The following ZNF148 variants were observed in gnomAD, a reference collection of about 807,000 sequenced individuals.
ZNF148 encodes Beta-Enolase Repressor Factor-1.
Under a neutral mutation model 67.7 loss-of-function variants are expected in ZNF148, and 7 were observed. That is an observed-to-expected ratio of 0.10 (90% confidence interval 0.06 to 0.19). The LOEUF (loss-of-function observed/expected upper bound fraction) is 0.19. ZNF148 is among the 10% of genes least tolerant of loss of function. ZNF148 has a pLI of 1.00. For missense variants in ZNF148, 583 were observed against 947.1 expected, an observed-to-expected ratio of 0.62 and a Z score of 5.05; for synonymous variants, 333 against 330.7, an observed-to-expected ratio of 1.01 and a Z score of -0.08.
intron 4 of ZNF148, among the ~76,000 whole-genome samples, chr3:125,302,447 C>A (rs1939644851): frequency 6.6e-6 from 1 of 152,004 alleles, no homozygotes; most frequent in African/African-American, 2.4e-5. Context: ...CCCTTTACCT[C>A]CCTGCCTTAT....
In ZNF148 at chr3:125,240,765, C is replaced by CA. The variant is rs200238945; in HGVS notation, c.668-6437dup. Among the ~76,000 whole-genome samples the CA allele has an allele frequency of 9.5e-3, 795 of 83,656 alleles. 2 individuals carry two copies. The highest frequency in any genetic ancestry group is 0.015 in the African/African-American group (332 of 22,228). The allele number at this position is 83,656 out of a possible 152,430, so 54.9% of individuals were successfully genotyped here. On this transcript the variant is annotated intron_variant, in intron 7 of 8. Transcript: ENST00000360647. ...GGTGACAAGTGCAAGATCCTGTCTG[C>CA]AAAAAAAAAAAAAAACCAAAAACCA...
In ZNF148 at chr3:125,279,255, A is replaced by AAAAG; in HGVS notation, c.460-9_460-8insCTTT. ...CTCATTTATTGTAAGGATCTAGTTC[A>AAAAG]AAAAAAAAAAGGCAAAAACAAAAGA... On this transcript the variant is annotated splice_polypyrimidine_tract_variant and intron_variant, in intron 5 of 8. Transcript: ENST00000360647. 9.3e-7 allele frequency: 1 copy of AAAAG among 1,069,752 alleles called. No homozygotes were observed. Among genetic ancestry groups the AAAAG allele is most frequent in the Non-Finnish European group, 1.2e-6 (1 of 843,598 alleles). The allele number at this position is 1,069,752 out of a possible 1,614,324, so 66.3% of individuals were successfully genotyped here.
intron 1 of ZNF148, among the ~76,000 whole-genome samples, chr3:125,370,981 A>AC (rs1489500274): frequency 3.3e-5 from 5 of 151,886 alleles, no homozygotes; most frequent in African/African-American, 1.2e-4. Context: ...TCCTCTTACC[A>AC]CATTTCCCAT....
intron 1 of ZNF148, among the ~76,000 whole-genome samples, chr3:125,332,354 T>C (rs944241855): frequency 6.6e-6 from 1 of 152,170 alleles, no homozygotes; most frequent in Non-Finnish European, 1.5e-5. Flanking sequence ...TTATGCAAAG[T>C]TATTTTAAGT....
chr3:125,364,830 T>C (rs776739546), intron 1 of ZNF148, among the ~76,000 whole-genome samples: 35 of 152,208 alleles, frequency 2.3e-4, no homozygotes, highest in Non-Finnish European at 4.1e-4. Flanking sequence ...AAATCCAAGT[T>C]AGCCTGAATT....
chr3:125,248,208 T>C (rs1392082157), intron 7 of ZNF148, among the ~76,000 whole-genome samples: 2 of 152,224 alleles, frequency 1.3e-5, no homozygotes, highest in African/African-American at 2.4e-5. Context: ...ACAAATGAGT[T>C]AGAATCCCAA....
intron 7 of ZNF148, among the ~76,000 whole-genome samples, chr3:125,235,839 C>T (rs1457003576): frequency 1.3e-5 from 2 of 150,860 alleles, no homozygotes; most frequent in Non-Finnish European, 2.9e-5. Context: ...TCTCAGCAAA[C>T]TATCACAAGG....
rs564641258 is a variant in ZNF148 at position 125,373,984 on chromosome 3, A to C, written c.-234+1118T>G. 5.9e-5 allele frequency among the ~76,000 whole-genome samples: 9 copies of C among 152,350 alleles called. No individual in the cohort carries two copies. In the East Asian group the frequency reaches 1.7e-3, roughly 29 times the overall value. On this transcript the variant is annotated intron_variant, in intron 1 of 8. Coordinates refer to ENST00000360647, the MANE Select transcript of ZNF148 (RefSeq NM_021964.3). The stretch of plus-strand genomic sequence containing the variant: ...GGCAGTGAAGAAAACCACCAAGTCA[A>C]TTAATTTCCATTCCAGCGTTTGCCA...
At chr3:125,280,676 T>C (rs1370223260) in intron 5 of ZNF148, among the ~76,000 whole-genome samples, 37 of 56,026 alleles carry the variant, frequency 6.6e-4, no homozygotes, top group South Asian at 1.5e-3. Flanking sequence ...GTAAAACCCA[T>C]CTCAAAAAAA....
chr3:125,345,007 C>T (rs1316128815), intron 1 of ZNF148, among the ~76,000 whole-genome samples: 1 of 152,056 alleles, frequency 6.6e-6, no homozygotes, highest in Non-Finnish European at 1.5e-5. Flanking sequence ...AATGGAAAGA[C>T]ATGACAATAA....
chr3:125,234,157 ATAAT>A, intron 8 of ZNF148, 50 bp downstream of exon 8: 1 of 1,294,754 alleles, frequency 7.7e-7, no homozygotes, highest in South Asian at 1.4e-5. Context: ...AATCTAATTT[ATAAT>A]TATTGTATAA....
chr3:125,243,154 C>G (rs1412835431), intron 7 of ZNF148, among the ~76,000 whole-genome samples: 1 of 152,162 alleles, frequency 6.6e-6, no homozygotes, highest in Admixed American at 6.5e-5. Flanking sequence ...TTTCACAAAC[C>G]TTTGTATCCT....
chr3:125,331,429 G>A (rs918204223), intron 1 of ZNF148, among the ~76,000 whole-genome samples, 191 bp from the exon 2 acceptor site: 1 of 152,186 alleles, frequency 6.6e-6, no homozygotes, highest in African/African-American at 2.4e-5. Context: ...GCCATCAAAT[G>A]CTAAATGATA....
intron 1 of ZNF148, among the ~76,000 whole-genome samples, chr3:125,335,804 T>G (rs1941466685): frequency 6.6e-6 from 1 of 152,240 alleles, no homozygotes; most frequent in African/African-American, 2.4e-5. Flanking sequence ...ATACAGTATT[T>G]TCAAAGTATA....
At chr3:125,369,460 C>T (rs1304526918) in intron 1 of ZNF148, among the ~76,000 whole-genome samples, 2 of 146,934 alleles carry the variant, frequency 1.4e-5, no homozygotes, top group Non-Finnish European at 3.0e-5. Flanking sequence ...CCATGTTTCG[C>T]TCACCTTTAT....
chr3:125,283,072 C>G (rs906048437), intron 5 of ZNF148, among the ~76,000 whole-genome samples: 6 of 152,118 alleles, frequency 3.9e-5, no homozygotes, highest in African/African-American at 1.2e-4. Flanking sequence ...ATGAGACGTT[C>G]TACTGCAACT....
chr3:125,230,180 T>C lies in ZNF148; in HGVS notation c.*2161A>G, dbSNP rs985075098. On this transcript the variant is annotated 3_prime_UTR_variant, in exon 9 of 9. Transcript: ENST00000360647. ...AAAAAACCTCTCCACTGTATCAAAA[T>C]TGCATCAAGTTCTCCATGAACAAAA... 6 of 152,442 alleles carry C rather than the reference T, an allele frequency of 3.9e-5. No individual in the cohort carries two copies. Among genetic ancestry groups the C allele is most frequent in the African/African-American group, 1.2e-4 (5 of 41,402 alleles). 9.4% of individuals were successfully genotyped at this position (152,442 alleles called of 1,614,324 possible). A position where few individuals can be genotyped will look rare whatever the true frequency, so the allele number is the denominator to read the frequency against.
intron 1 of ZNF148, chr3:125,357,695 A>C (rs923449610): frequency 1.3e-5 from 2 of 152,298 alleles, no homozygotes; most frequent in African/African-American, 4.8e-5. Context: ...AGTTTCTTTA[A>C]TAAAAATATT....
intron 3 of ZNF148, chr3:125,314,971 AG>A (rs577733639): frequency 1.1e-3 from 163 of 152,700 alleles, no homozygotes; most frequent in African/African-American, 3.8e-3. Flanking sequence ...CTGAGGCAGG[AG>A]GATGGCTTGA....
Sources: gnomAD v4.1 joint callset for allele counts (sites outside exome capture counted in the v4.1 genomes callset) on GRCh38, gnomAD v4.1.1 for gene constraint, MANE v1.5 for transcripts, NCBI Gene and HGNC (gene_info 2026-07-23, HGNC 2026-07-21) for gene names.